The following VPS8 variants were observed in gnomAD, a reference collection of about 807,000 sequenced individuals.
VPS8 encodes vacuolar protein sorting-associated protein 8 homolog.
In VPS8, 129 loss-of-function variants were observed where a neutral mutation model predicts 216.4. The ratio of observed to expected loss-of-function variants is 0.60; its 90% CI spans 0.52 to 0.69. The LOEUF (loss-of-function observed/expected upper bound fraction) is 0.69. Ranked by LOEUF, VPS8 falls within the 30% of genes least tolerant of loss-of-function variation. The pLI, the probability that VPS8 is intolerant of heterozygous loss-of-function variation, is 0.00. For synonymous variants in VPS8, 571 were observed against 565.4 expected, an observed-to-expected ratio of 1.01 and a Z score of -0.14; for missense variants, 1,531 against 1,683.5, an observed-to-expected ratio of 0.91 and a Z score of 1.59.
intron 21 of VPS8, among the ~76,000 whole-genome samples, chr3:184,871,992 A>T (rs1578001975): frequency 6.6e-6 from 1 of 152,130 alleles, no homozygotes; most frequent in Admixed American, 6.5e-5. Flanking sequence ...TGCTTATTAA[A>T]TTTATCAGTA....
chr3:184,828,814 C>T (rs929224404), intron 3 of VPS8, among the ~76,000 whole-genome samples: 1 of 152,152 alleles, frequency 6.6e-6, no homozygotes, highest in Non-Finnish European at 1.5e-5. Flanking sequence ...TGTTAACAAA[C>T]TGAACAACCT....
At chr3:184,951,617 C>T (rs1421422911) in intron 36 of VPS8, among the ~76,000 whole-genome samples, 2 of 152,144 alleles carry the variant, frequency 1.3e-5, no homozygotes, top group Admixed American at 6.5e-5. Context: ...GATATGTGCT[C>T]CAACCTGAAT....
At chr3:184,847,546 T>A (rs1723371692) in intron 8 of VPS8, among the ~76,000 whole-genome samples, 1 of 152,154 alleles carries the variant, frequency 6.6e-6, no homozygotes, top group African/African-American at 2.4e-5. Flanking sequence ...ACCCCAAAAT[T>A]CACATGTAGA....
chr3:184,819,065 T>C (rs746863654), intron 1 of VPS8, among the ~76,000 whole-genome samples: 2 of 152,224 alleles, frequency 1.3e-5, no homozygotes, highest in African/African-American at 2.4e-5. Context: ...AGAGTTCTTA[T>C]TCAGTTAGCC....
At chr3:184,877,809 TTATGAGTTTTGGGAGGATATTGAAATA>T (rs1478481669) in intron 21 of VPS8, among the ~76,000 whole-genome samples, 2 of 152,164 alleles carry the variant, frequency 1.3e-5, no homozygotes, top group Admixed American at 1.3e-4. Context: ...ACTAAGTAAT[TTATGAGTTTTGGGAGGATATTGAAATA>T]TATGAAAAAG....
chr3:184,936,378 A>G (rs6444004), intron 35 of VPS8, 43 bp downstream of exon 35: 1,489,361 of 1,490,150 alleles, frequency 1, 744,289 homozygotes, highest in East Asian at 1. Context: ...ATCTAGTGGA[A>G]AGACAATTAT....
At chr3:184,848,564 C>CTTTTTTTTTTTT (rs35715889) in intron 8 of VPS8, among the ~76,000 whole-genome samples, 3 of 87,204 alleles carry the variant, frequency 3.4e-5, no homozygotes, top group African/African-American at 5.1e-5. Context: ...TTCCTGTATT[C>CTTTTTTTTTTTT]TTTTTTTTTT....
chr3:184,966,814 TA>T, intron 39 of VPS8, 101 bp downstream of exon 39: 1 of 788,554 alleles, frequency 1.3e-6, no homozygotes, highest in Non-Finnish European at 1.9e-6. Flanking sequence ...TACACTTGCA[TA>T]TATGCATAAT....
At chr3:184,824,033 G>A (rs958911044) in intron 1 of VPS8, 1 of 152,220 alleles carries the variant, frequency 6.6e-6, no homozygotes, top group African/African-American at 2.4e-5. Flanking sequence ...AGGTTTGCTC[G>A]TGTTGTATTA....
chr3:184,995,036 A>G (rs1365013942), intron 43 of VPS8, among the ~76,000 whole-genome samples: 9 of 152,224 alleles, frequency 5.9e-5, no homozygotes, highest in Non-Finnish European at 2.9e-5. Flanking sequence ...CCCATGATTC[A>G]GTTACCTCCC....
Position 184,849,171 on chromosome 3 carries a change from T to A in VPS8, c.642T>A (p.Leu214=), listed in dbSNP as rs764082948. The change falls in exon 9 of 48, where the codon CTT becomes CTA. Residue 214 remains leucine (L), a synonymous_variant. Coordinates refer to ENST00000625842, the MANE Select transcript of VPS8 (RefSeq NM_001009921.3). ...GTATCAACAATGATTGCTCAAGACTTCTTTGTGGCTTTGCTAAAGGACAGG... is the reference window on the plus strand; with the variant it reads ...GTATCAACAATGATTGCTCAAGACTACTTTGTGGCTTTGCTAAAGGACAGG... ...ALSINNDCSR[L]LCGFAKGQIT... 2 of 1,613,532 alleles carry A rather than the reference T, an allele frequency of 1.2e-6. No individual in the cohort carries two copies. The highest frequency in any genetic ancestry group is 2.2e-5 in the South Asian group (2 of 91,078).
chr3:184,841,386 A>G (rs541331029), intron 7 of VPS8, among the ~76,000 whole-genome samples: 1 of 152,258 alleles, frequency 6.6e-6, no homozygotes, highest in African/African-American at 2.4e-5. Context: ...CCATGCAGTT[A>G]TATATTTTGT....
chr3:184,814,944 A>C (rs1402259899), intron 1 of VPS8, among the ~76,000 whole-genome samples: 4 of 152,256 alleles, frequency 2.6e-5, no homozygotes, highest in Non-Finnish European at 2.9e-5. Context: ...AATTAGCTGT[A>C]CAAAAATATT....
At chr3:184,876,602 A>T (rs1334020768) in intron 21 of VPS8, among the ~76,000 whole-genome samples, 2 of 152,112 alleles carry the variant, frequency 1.3e-5, no homozygotes, top group African/African-American at 4.8e-5. Context: ...TTTTGTAGGT[A>T]CCTCAGACTC....
At chr3:184,836,406 A>G (rs1721098854) in intron 5 of VPS8, 1 of 431,254 alleles carries the variant, frequency 2.3e-6, no homozygotes, top group East Asian at 7.0e-5. Context: ...GCAGTTTTAA[A>G]AATATTTTGA....
chr3:184,870,693 A>G (rs748447096), intron 20 of VPS8, 23 bp from the exon 21 acceptor site: 9 of 1,577,262 alleles, frequency 5.7e-6, no homozygotes, highest in South Asian at 2.3e-5. Context: ...TTTAATGTCT[A>G]TGCCAGGCTG....
intron 25 of VPS8, among the ~76,000 whole-genome samples, chr3:184,902,965 A>G (rs1445078646): frequency 1.3e-5 from 2 of 152,158 alleles, no homozygotes; most frequent in Admixed American, 1.3e-4. Context: ...TTTATAAATG[A>G]TGTAAGGTAA....
chr3:184,941,038 G>C (rs1041365956), intron 36 of VPS8, among the ~76,000 whole-genome samples: 1 of 152,186 alleles, frequency 6.6e-6, no homozygotes, highest in Non-Finnish European at 1.5e-5. Flanking sequence ...CATGGTTTAC[G>C]TGTAATTTTC....
chr3:184,958,335 G>C (rs946120369), intron 37 of VPS8, among the ~76,000 whole-genome samples: 1 of 152,104 alleles, frequency 6.6e-6, no homozygotes, highest in Non-Finnish European at 1.5e-5. Context: ...GTGTGTTTCC[G>C]ACAAAGGTAT....
Sources: allele counts gnomAD v4.1 joint callset (sites outside exome capture counted in the v4.1 genomes callset), GRCh38; gene constraint gnomAD v4.1.1; transcripts MANE v1.5; gene names NCBI Gene and HGNC (gene_info 2026-07-23, HGNC 2026-07-21).